The following CAD variants were observed in gnomAD, a reference collection of about 807,000 sequenced individuals.
CAD encodes carbamoyl-phosphate synthetase 2, aspartate transcarbamylase, and dihydroorotase.
Under a neutral mutation model 237.2 loss-of-function variants are expected in CAD, and 81 were observed. The observed-to-expected ratio is 0.34, with a 90% CI of 0.29 to 0.41. The LOEUF (loss-of-function observed/expected upper bound fraction) is 0.41, where lower values mean the gene tolerates loss of function less well. Among genes scored for constraint, CAD ranks in the 10% least tolerant of loss-of-function variants. The pLI, the probability that CAD is intolerant of heterozygous loss-of-function variation, is 1.00. For missense variants in CAD, 2,181 were observed against 2,951.7 expected, an observed-to-expected ratio of 0.74 and a Z score of 6.05; for synonymous variants, 1,196 against 1,162.8, an observed-to-expected ratio of 1.03 and a Z score of -0.58.
Position 27,241,368 on chromosome 2 carries a change from A to G in CAD, c.5855A>G (p.Gln1952Arg). The G allele has an allele frequency of 6.2e-7, 1 of 1,614,230 alleles. No individual in the cohort carries two copies. ...GCACACACACTGCGTATGATGGTGCAGAAGGAGCGGAGCCTCGACATCCTG... is the reference window on the plus strand; with the variant it reads ...GCACACACACTGCGTATGATGGTGCGGAAGGAGCGGAGCCTCGACATCCTG... The part of the protein sequence containing the change: ...NVAHTLRMMV[Q>R]KERSLDILKG... The change falls in exon 38 of 44, where the codon CAG (glutamine) becomes CGG (arginine). Residue 1952 changes from glutamine to arginine, a missense_variant. By Grantham distance (43) the Gln-to-Arg change is conservative. Transcript: ENST00000264705. This position sits in a 1 kb window ranked among gnomAD's most constrained non-coding sequence, Gnocchi z 4.6.
intron 2 of CAD, among the ~76,000 whole-genome samples, chr2:27,220,962 AAAATAAATAAT>A (rs1192890669): frequency 1.3e-5 from 2 of 152,172 alleles, no homozygotes; most frequent in Non-Finnish European, 2.9e-5. Context: ...TGTCTCAAAA[AAAATAAATAAT>A]AAATAAATAA....
Position 27,236,606 on chromosome 2 carries a change from ATG to A in CAD, c.4314+84_4314+85del. 6.3e-7 allele frequency: 1 copy of A among 1,580,604 alleles called. No individual in the cohort carries two copies. Among genetic ancestry groups the A allele is most frequent in the Middle Eastern group, 1.7e-4 (1 of 5,994 alleles). On this transcript the variant is annotated intron_variant, in intron 26 of 43. Coordinates refer to ENST00000264705, the MANE Select transcript of CAD (RefSeq NM_004341.5). This position sits in a 1 kb window ranked among gnomAD's most constrained non-coding sequence, Gnocchi z 4.1. ...AGGGAGGAGTGAGTATGGAACAGCC[ATG>A]CTAGTAATAAAGCTTTGTGGCTACA...
In CAD at chr2:27,232,030, G is replaced by C. The variant is rs1414927318; in HGVS notation, c.2451G>C (p.Leu817Phe). ...DKRIFVVAAA[L>F]WAGYSVDRLY... ...GGATTTTTGTGGTGGCAGCTGCTTT[G>C]TGGGCTGGTTATTCAGTGGACCGCC... Residue 817 changes from leucine to phenylalanine, a missense_variant, in exon 17 of 44, where the codon TTG becomes TTC. Physicochemically the swap from Leu to Phe is conservative, Grantham distance 22 (BLOSUM62 0). This residue lies in a region of CAD where 385 missense variants were observed against 535.1 expected (regional missense o/e 0.72). Transcript: ENST00000264705. The surrounding 1 kb of genome is among the most constrained non-coding windows in gnomAD (Gnocchi z 4.1). 1 of 1,614,090 alleles carries C rather than the reference G, an allele frequency of 6.2e-7. No individual in the cohort carries two copies. Among genetic ancestry groups the C allele is most frequent in the Non-Finnish European group, 8.5e-7 (1 of 1,180,046 alleles).
intron 14 of CAD, 41 bp downstream of exon 14, chr2:27,226,690 G>A (rs774717768): frequency 1.1e-5 from 17 of 1,610,954 alleles, no homozygotes; most frequent in East Asian, 4.5e-5. Context: ...GAAGTGGGTC[G>A]GGGGCTGAGG....
chr2:27,225,303 CTTTTTTTTTTT>C, intron 11 of CAD, 60 bp downstream of exon 11: 3 of 542,022 alleles, frequency 5.5e-6, no homozygotes, highest in Non-Finnish European at 9.0e-6. Flanking sequence ...GTGTTATTTT[CTTTTTTTTTTT>C]TTTTTTTTTG....
Position 27,232,765 on chromosome 2 carries a change from C to T in CAD, c.2892+71C>T. On this transcript the variant is annotated intron_variant, in intron 18 of 43. Coordinates refer to ENST00000264705, the MANE Select transcript of CAD (RefSeq NM_004341.5). The surrounding 1 kb of genome is among the most constrained non-coding windows in gnomAD (Gnocchi z 4.1). ...TCTCTAGCAATTGCTTGGCACTAAT[C>T]CTGGCATTTCCTATTAATTGCCGTC... 6.3e-7 allele frequency: 1 copy of T among 1,577,314 alleles called. No individual in the cohort carries two copies. Among genetic ancestry groups the T allele is most frequent in the Non-Finnish European group, 8.7e-7 (1 of 1,150,778 alleles).
intron 15 of CAD, among the ~76,000 whole-genome samples, chr2:27,227,306 A>G (rs569109955): frequency 1.3e-5 from 2 of 152,278 alleles, no homozygotes; most frequent in African/African-American, 4.8e-5. Context: ...AAGGAAATTT[A>G]TTAGTGAATG....
chr2:27,233,940 G>A lies in CAD; in HGVS notation c.3400-68G>A. The A allele has an allele frequency of 6.4e-7, 1 of 1,554,326 alleles. No homozygotes were observed. Among genetic ancestry groups the A allele is most frequent in the South Asian group, 1.1e-5 (1 of 88,490 alleles). On this transcript the variant is annotated intron_variant, in intron 21 of 43. Coordinates refer to ENST00000264705, the MANE Select transcript of CAD (RefSeq NM_004341.5). The surrounding 1 kb of genome is among the most constrained non-coding windows in gnomAD (Gnocchi z 6.3). Reference sequence around the variant, plus strand: ...GGCTATGTGGGGCTCGTTAAAGGAAGAGACAATCCTAGAGTAAGTGAGAGA... The same window carrying A: ...GGCTATGTGGGGCTCGTTAAAGGAAAAGACAATCCTAGAGTAAGTGAGAGA...
chr2:27,226,123 C>A lies in CAD; in HGVS notation c.1843-8C>A. ...TGGCAGTGACCTCCATGGCACCCCC[C>A]TTCACAGGTGTGTAACATGGAGAAC... On this transcript the variant is annotated splice_region_variant and splice_polypyrimidine_tract_variant and intron_variant, in intron 12 of 43. Transcript: ENST00000264705. 6.2e-7 allele frequency: 1 copy of A among 1,613,352 alleles called. No homozygotes were observed. Among genetic ancestry groups the A allele is most frequent in the Non-Finnish European group, 8.5e-7 (1 of 1,179,406 alleles).
At position 27,239,423 on chromosome 2, in the gene CAD, C is replaced by T. The variant is rs772273421; in HGVS notation, c.5346C>T (p.Thr1782=). ...TPFEGQKVKG[T]VRRVVLRGEV... ...TTGAAGGGCAGAAAGTGAAGGGCAC[C>T]GTCCGCCGTGTGGTCCTGCGAGGGG... Residue 1782 remains threonine, a synonymous_variant, in exon 33 of 44, where the codon ACC becomes ACT. Coordinates refer to ENST00000264705, the MANE Select transcript of CAD (RefSeq NM_004341.5). This position sits in a 1 kb window ranked among gnomAD's most constrained non-coding sequence, Gnocchi z 4.0. 13 of 1,614,082 alleles carry T rather than the reference C, an allele frequency of 8.1e-6. No individual in the cohort carries two copies. The highest frequency in any genetic ancestry group is 2.2e-5 in the East Asian group (1 of 44,884).
rs1482274788 is a variant in CAD at position 27,217,901 on chromosome 2, A to G, written c.107A>G (p.Tyr36Cys). ...EVVFQTGMVG[Y>C]PEALTDPSYK... is the part of the protein sequence containing the mutation. The stretch of plus-strand genomic sequence containing the variant: ...GTGTTTCAAACCGGCATGGTCGGCT[A>G]CCCCGAGGCCCTCACTGATCCCTCC... The change falls in exon 2 of 44, where the codon TAC becomes TGC. Residue 36 changes from tyrosine to cysteine, a missense_variant. Physicochemically the swap from Tyr to Cys is radical, Grantham distance 194 (BLOSUM62 -2). This residue lies in a region of CAD where 314 missense variants were observed against 339.4 expected (regional missense o/e 0.93). Coordinates refer to ENST00000264705, the MANE Select transcript of CAD (RefSeq NM_004341.5). 2 of 1,607,770 alleles carry G rather than the reference A, an allele frequency of 1.2e-6. No individual in the cohort carries two copies. Among genetic ancestry groups the G allele is most frequent in the East Asian group, 2.2e-5 (1 of 44,676 alleles).
chr2:27,217,798 T>C (rs1007773455), intron 1 of CAD, 79 bp from the exon 2 acceptor site: 3 of 1,499,832 alleles, frequency 2.0e-6, no homozygotes, highest in Admixed American at 2.1e-5. Context: ...CAAGGCAGCC[T>C]CCACTGGGGC....
intron 2 of CAD, 86 bp downstream of exon 2, chr2:27,218,102 C>CAGGA: frequency 2.5e-6 from 3 of 1,194,396 alleles, no homozygotes; most frequent in Non-Finnish European, 3.5e-6. Flanking sequence ...TGACACCCTG[C>CAGGA]TGGGCATCCT....
In CAD at chr2:27,226,628, G is replaced by T; in HGVS notation, c.2135G>T (p.Gly712Val). ...TATGTGGCAGCCAAGCTAGCATTGG[G>T]CATCCCTTTGCCTGAGCTCAGGTAC... Reference protein sequence around the residue: ...LAYVAAKLALGIPLPELRNSV... With the variant: ...LAYVAAKLALVIPLPELRNSV... Residue 712 changes from glycine to valine, a missense_variant, in exon 14 of 44, where the codon GGC (glycine) becomes GTC (valine). By Grantham distance (109) the Gly-to-Val change is moderately radical (BLOSUM62 -3). This residue lies in a region of CAD where 385 missense variants were observed against 535.1 expected (regional missense o/e 0.72). Transcript: ENST00000264705. 1.2e-6 allele frequency: 2 copies of T among 1,614,168 alleles called. No individual in the cohort carries two copies. The highest frequency in any genetic ancestry group is 1.7e-6 in the Non-Finnish European group (2 of 1,180,028).
intron 15 of CAD, chr2:27,227,416 A>G (rs1170030390): frequency 6.2e-6 from 1 of 160,380 alleles, no homozygotes; most frequent in East Asian, 1.8e-4. Flanking sequence ...ACCGTCCTCT[A>G]ACACATTTCA....
Position 27,218,170 on chromosome 2 carries a change from A to T in CAD, c.222+154A>T, listed in dbSNP as rs58187782. 6.5e-3 allele frequency among the ~76,000 whole-genome samples: 985 copies of T among 152,348 alleles called. 14 individuals are homozygous for T. The highest frequency in any genetic ancestry group is 0.023 in the African/African-American group (945 of 41,580). On this transcript the variant is annotated intron_variant, in intron 2 of 43. Coordinates refer to ENST00000264705, the MANE Select transcript of CAD (RefSeq NM_004341.5). Reference sequence around the variant, plus strand: ...AAGGACTAAGATCACTAGTAACTGTAGTTAGGGGTTGTTAAGTGCCTTGGG... The same window carrying T: ...AAGGACTAAGATCACTAGTAACTGTTGTTAGGGGTTGTTAAGTGCCTTGGG...
At position 27,237,450 on chromosome 2, in the gene CAD, G is replaced by A. The variant is rs1676068122; in HGVS notation, c.4468G>A (p.Ala1490Thr). 1.9e-6 allele frequency: 3 copies of A among 1,614,116 alleles called. No homozygotes were observed. The African/African-American group carries it at 4.0e-5, about 22-fold the overall frequency. ...THKEDFASGT[A>T]AALAGGITMV... ...TAAGGAGGACTTTGCTTCAGGCACA[G>A]CCGCTGCCCTGGCTGGGGGTATCAC... The change falls in exon 28 of 44, where the codon GCC (alanine) becomes ACC (threonine). Residue 1490 changes from alanine (A) to threonine (T), a missense_variant. Physicochemically the swap from Ala to Thr is moderately conservative, Grantham distance 58 (BLOSUM62 0). This residue lies in a region of CAD where 478 missense variants were observed against 515.0 expected (regional missense o/e 0.93). Transcript: ENST00000264705. The surrounding 1 kb of genome is among the most constrained non-coding windows in gnomAD (Gnocchi z 4.0).
chr2:27,235,128 G>T lies in CAD; in HGVS notation c.3787-117G>T. ...GAAAGCAGGAGGGCACACAGAGAGG[G>T]CAGGCTGACCCTGCCATTCAGATGG... On this transcript the variant is annotated intron_variant, in intron 23 of 43. Transcript: ENST00000264705. This position sits in a 1 kb window ranked among gnomAD's most constrained non-coding sequence, Gnocchi z 5.2. The T allele has an allele frequency of 6.5e-6, 6 of 922,060 alleles. No individual in the cohort carries two copies. The South Asian group carries it at 1.1e-4, about 17-fold the overall frequency. The allele number at this position is 922,060 out of a possible 1,614,324, so 57.1% of individuals were successfully genotyped here.
rs369676592 is a variant in CAD, at chr2:27,237,666, G to T, written c.4564-52G>T. Reference sequence around the variant, plus strand: ...GGCCCAGGCCACTGGTGCCAGGCTAGCCTGTGTGGGCATGGGTGCCAGTGA... The same window carrying T: ...GGCCCAGGCCACTGGTGCCAGGCTATCCTGTGTGGGCATGGGTGCCAGTGA... On this transcript the variant is annotated intron_variant, in intron 28 of 43. Transcript: ENST00000264705. The surrounding 1 kb of genome is among the most constrained non-coding windows in gnomAD (Gnocchi z 4.0). The T allele has an allele frequency of 2.6e-4, 405 of 1,586,312 alleles. 4 individuals carry two copies. In the African/African-American group the frequency reaches 4.8e-3, roughly 19 times the overall value.
Sources: gnomAD v4.1 joint callset for allele counts (sites outside exome capture counted in the v4.1 genomes callset) on GRCh38, gnomAD v4.1.1 for gene constraint, gnomAD v4.1.1 regional missense constraint, Gnocchi (gnomAD v3.1) non-coding constraint, MANE v1.5 for transcripts, NCBI Gene and HGNC (gene_info 2026-07-23, HGNC 2026-07-21) for gene names.